The following ATF7 variants were observed in gnomAD, a reference collection of about 807,000 sequenced individuals.
ATF7 encodes the protein activating transcription factor 7.
ATF7 carries 10 observed loss-of-function variants against 50.4 expected under a neutral mutation model. The ratio of observed to expected loss-of-function variants is 0.20; its 90% confidence interval spans 0.12 to 0.34. ATF7 has a LOEUF of 0.34. ATF7 is among the 10% of genes least tolerant of loss of function. The pLI is 1.00. For missense variants in ATF7, 465 were observed against 613.9 expected (o/e 0.76, Z 2.56); for synonymous variants, 201 against 226.4 (o/e 0.89, Z 1.01).
At position 53,517,276 on chromosome 12, in the gene ATF7, T is replaced by C. The variant is rs1235394870; in HGVS notation, c.1313A>G (p.Asn438Ser). 5 of 1,614,012 alleles carry C rather than the reference T, an allele frequency of 3.1e-6. No individual in the cohort carries two copies. Among genetic ancestry groups the C allele is most frequent in the African/African-American group, 1.3e-5 (1 of 75,042 alleles). The change falls in exon 12 of 12, where the codon AAT becomes AGT. Residue 438 changes from asparagine (N) to serine (S), a missense_variant. Coordinates refer to ENST00000420353, the MANE Select transcript of ATF7 (RefSeq NM_006856.3). ...IQHSSATAPS[N>S]GLSVRSAAEA... Reference sequence around the variant, plus strand: ...AGCTGCAGAGCGAACACTGAGGCCATTGCTAGGGGCTGTTGCTGAGCTGTG... The same window carrying C: ...AGCTGCAGAGCGAACACTGAGGCCACTGCTAGGGGCTGTTGCTGAGCTGTG...
intron 2 of ATF7, among the ~76,000 whole-genome samples, chr12:53,594,933 A>G (rs748738018): frequency 3.9e-5 from 6 of 151,988 alleles, no homozygotes; most frequent in Non-Finnish European, 7.4e-5. Flanking sequence ...AGTTTTGTCT[A>G]TATGATACGT....
At chr12:53,580,909 C>T (rs1285255151) in intron 2 of ATF7, among the ~76,000 whole-genome samples, 3 of 151,478 alleles carry the variant, frequency 2.0e-5, no homozygotes, top group South Asian at 2.1e-4. Flanking sequence ...GTCAGGAGTT[C>T]GAGACCAGCC....
At chr12:53,531,127 T>C (rs181024592) in intron 9 of ATF7, among the ~76,000 whole-genome samples, 7 of 151,866 alleles carry the variant, frequency 4.6e-5, no homozygotes, top group Admixed American at 3.9e-4. Flanking sequence ...GACTCATATA[T>C]GGAAAAAATG....
chr12:53,622,197 G>C (rs756043148), intron 1 of ATF7, among the ~76,000 whole-genome samples: 1 of 152,040 alleles, frequency 6.6e-6, no homozygotes, highest in African/African-American at 2.4e-5. Flanking sequence ...AGCTACTCAG[G>C]AGGCTAAGGG....
At chr12:53,613,717 C>T (rs1030835558) in intron 1 of ATF7, among the ~76,000 whole-genome samples, 16 of 151,896 alleles carry the variant, frequency 1.1e-4, no homozygotes, top group Middle Eastern at 3.4e-3. Context: ...GACAAGGTCT[C>T]ACTATATTAC....
chr12:53,577,710 C>T (rs1242729821), intron 2 of ATF7, among the ~76,000 whole-genome samples: 2 of 141,702 alleles, frequency 1.4e-5, no homozygotes, highest in Non-Finnish European at 3.0e-5. Flanking sequence ...AGCGAGACTC[C>T]GTCTCTGAAA....
At chr12:53,548,665 A>C (rs978235603) in intron 3 of ATF7, among the ~76,000 whole-genome samples, 4 of 152,180 alleles carry the variant, frequency 2.6e-5, no homozygotes, top group Non-Finnish European at 5.9e-5. Flanking sequence ...AATAAAACTA[A>C]TATATGTAGA....
chr12:53,527,681 G>A (rs796791394), intron 9 of ATF7, among the ~76,000 whole-genome samples: 6 of 151,892 alleles, frequency 4.0e-5, no homozygotes, highest in African/African-American at 1.4e-4. Flanking sequence ...CTACTTGGGA[G>A]GTGGAGGCAT....
intron 4 of ATF7, among the ~76,000 whole-genome samples, chr12:53,540,368 GAAAA>G (rs1305905030): frequency 7.0e-6 from 1 of 143,646 alleles, no homozygotes; most frequent in South Asian, 2.2e-4. Flanking sequence ...AAAAAAAAAA[GAAAA>G]AAAAGTAGAA....
In ATF7 at chr12:53,516,298, C is replaced by T. The variant is rs1937696448; in HGVS notation, c.*839G>A. 2 of 152,108 alleles carry T rather than the reference C, an allele frequency of 1.3e-5. No homozygotes were observed. The highest frequency in any genetic ancestry group is 1.5e-5 in the Non-Finnish European group (1 of 68,028). 9.4% of individuals were successfully genotyped at this position (152,108 alleles called of 1,614,324 possible). On this transcript the variant is annotated 3_prime_UTR_variant, in exon 12 of 12. Transcript: ENST00000420353. ...GAATCAGCCAGTCAGATTCTGGGCC[C>T]TTCCCTTTTCACTACCAAGCAATCT...
chr12:53,615,314 G>T lies in ATF7; in HGVS notation c.-22+10965C>A, dbSNP rs549058857. Among the ~76,000 whole-genome samples, 8 of 152,072 alleles carry T rather than the reference G, an allele frequency of 5.3e-5. No homozygotes were observed. In the East Asian group the frequency reaches 1.6e-3, roughly 30 times the overall value. ...CAGAAGAATGGCATGAACCCGGGAG[G>T]CGAAGCTTGCAGTGAGCCGAGCTCG... On this transcript the variant is annotated intron_variant, in intron 1 of 11. Transcript: ENST00000420353.
At chr12:53,608,721 C>T (rs1444229355) in intron 1 of ATF7, among the ~76,000 whole-genome samples, 2 of 152,142 alleles carry the variant, frequency 1.3e-5, no homozygotes, top group African/African-American at 2.4e-5. Context: ...TATATGCAAA[C>T]AGCTCTCTTT....
At chr12:53,619,025 C>G (rs1348324353) in intron 1 of ATF7, among the ~76,000 whole-genome samples, 1 of 148,866 alleles carries the variant, frequency 6.7e-6, no homozygotes. Flanking sequence ...GCACTCCAGC[C>G]TGGCTGACAT....
At chr12:53,565,487 C>T (rs925618363) in intron 2 of ATF7, among the ~76,000 whole-genome samples, 90 of 1,584 alleles carry the variant, frequency 0.057, no homozygotes, top group African/African-American at 0.091. Context: ...TTTTTCTGGG[C>T]GGGGGCGGGG....
At chr12:53,535,316 G>A (rs1269243474) in intron 5 of ATF7, among the ~76,000 whole-genome samples, 22 of 121,614 alleles carry the variant, frequency 1.8e-4, no homozygotes, top group African/African-American at 7.9e-4. Flanking sequence ...GCGACAGAGC[G>A]AGACTCTGCC....
chr12:53,568,140 T>A (rs1368289104), intron 2 of ATF7, among the ~76,000 whole-genome samples: 4 of 152,196 alleles, frequency 2.6e-5, no homozygotes, highest in Non-Finnish European at 5.9e-5. Context: ...TTCCTGATAA[T>A]ACAGGAGTTT....
chr12:53,516,304 T>A lies in ATF7; in HGVS notation c.*833A>T, dbSNP rs1259289467. Reference sequence around the variant, plus strand: ...GCCAGTCAGATTCTGGGCCCTTCCCTTTTCACTACCAAGCAATCTTTAATA... The same window carrying A: ...GCCAGTCAGATTCTGGGCCCTTCCCATTTCACTACCAAGCAATCTTTAATA... On this transcript the variant is annotated 3_prime_UTR_variant, in exon 12 of 12. Coordinates refer to ENST00000420353, the MANE Select transcript of ATF7 (RefSeq NM_006856.3). 1 of 152,152 alleles carries A rather than the reference T, an allele frequency of 6.6e-6. No individual in the cohort carries two copies. The highest frequency in any genetic ancestry group is 2.4e-5 in the African/African-American group (1 of 41,430). The allele number at this position is 152,152 out of a possible 1,614,324, so 9.4% of individuals were successfully genotyped here.
intron 2 of ATF7, among the ~76,000 whole-genome samples, chr12:53,567,466 G>A (rs1389334256): frequency 6.6e-6 from 1 of 152,184 alleles, no homozygotes; most frequent in Non-Finnish European, 1.5e-5. Flanking sequence ...ATTTCTCGCT[G>A]CCCCTCTTCC....
At chr12:53,612,266 G>A (rs1191126601) in intron 1 of ATF7, among the ~76,000 whole-genome samples, 6 of 150,058 alleles carry the variant, frequency 4.0e-5, no homozygotes, top group Non-Finnish European at 7.4e-5. Flanking sequence ...ATGAGCCACC[G>A]TGCCTGGCAG....
Sources: gnomAD v4.1 joint callset for allele counts (sites outside exome capture counted in the v4.1 genomes callset) on GRCh38, gnomAD v4.1.1 for gene constraint, MANE v1.5 for transcripts, NCBI Gene and HGNC (gene_info 2026-07-23, HGNC 2026-07-21) for gene names.